The following TCERG1L variants were observed in gnomAD, a reference collection of about 807,000 sequenced individuals.
The protein encoded by TCERG1L is transcription elongation regulator 1 like.
TCERG1L carries 37 observed loss-of-function variants against 56.3 expected under a neutral mutation model. That is an observed-to-expected ratio of 0.66 (90% CI 0.51 to 0.87). The LOEUF (loss-of-function observed/expected upper bound fraction) is 0.87, where lower values mean the gene tolerates loss of function less well. TCERG1L is among the 40% of genes least tolerant of loss of function. The pLI is 0.00. For synonymous variants in TCERG1L, 324 were observed against 326.3 expected, an observed-to-expected ratio of 0.99 and a Z score of 0.08; for missense variants, 799 against 774.2, an observed-to-expected ratio of 1.03 and a Z score of -0.38.
intron 4 of TCERG1L, among the ~76,000 whole-genome samples, chr10:131,195,249 C>T (rs1679685289): frequency 1.3e-5 from 2 of 152,212 alleles, no homozygotes; most frequent in Admixed American, 1.3e-4. Context: ...CTGATCACAG[C>T]TTTTATCTGC....
chr10:131,116,486 T>A (rs992495205), intron 9 of TCERG1L, among the ~76,000 whole-genome samples: 1 of 152,094 alleles, frequency 6.6e-6, no homozygotes, highest in Admixed American at 6.5e-5. Context: ...CAAAGGCACC[T>A]TTCTCCTTTC....
intron 4 of TCERG1L, among the ~76,000 whole-genome samples, chr10:131,208,062 G>A (rs1434154233): frequency 1.3e-5 from 2 of 152,112 alleles, no homozygotes; most frequent in African/African-American, 4.8e-5. Context: ...AGAGAGGCCA[G>A]CCCTGCCTAG....
chr10:131,281,246 T>C (rs764213898), intron 3 of TCERG1L, among the ~76,000 whole-genome samples: 4 of 152,170 alleles, frequency 2.6e-5, no homozygotes, highest in African/African-American at 7.2e-5. Flanking sequence ...ATTGCCTGCA[T>C]GTCTATCACG....
At chr10:131,263,116 A>G (rs1322151123) in intron 3 of TCERG1L, among the ~76,000 whole-genome samples, 1 of 152,062 alleles carries the variant, frequency 6.6e-6, no homozygotes, top group East Asian at 1.9e-4. Flanking sequence ...AAACTGCCAG[A>G]CTGTCTTCCA....
chr10:131,120,307 G>T (rs1342231018), intron 8 of TCERG1L, among the ~76,000 whole-genome samples: 2 of 152,154 alleles, frequency 1.3e-5, no homozygotes, highest in Non-Finnish European at 2.9e-5. Context: ...CAGTGGAGCT[G>T]AGTTCTGGGC....
At chr10:131,177,204 A>T (rs1428147554) in intron 4 of TCERG1L, among the ~76,000 whole-genome samples, 3 of 43,634 alleles carry the variant, frequency 6.9e-5, no homozygotes, top group Non-Finnish European at 1.6e-4. Flanking sequence ...AGACACATGC[A>T]GACACAAGCA....
At chr10:131,266,454 A>G (rs1846287345) in intron 3 of TCERG1L, among the ~76,000 whole-genome samples, 1 of 152,228 alleles carries the variant, frequency 6.6e-6, no homozygotes, top group Admixed American at 6.5e-5. Context: ...TGCGTTGTCA[A>G]TGAGTAAAAA....
At chr10:131,134,596 T>C (rs1049930054) in intron 7 of TCERG1L, 148 bp from the exon 8 acceptor site, 1 of 654,232 alleles carries the variant, frequency 1.5e-6, no homozygotes, top group African/African-American at 1.8e-5. Context: ...CCTACGAGTT[T>C]CCTCTTGGCA....
intron 3 of TCERG1L, among the ~76,000 whole-genome samples, chr10:131,291,458 G>T (rs1239088875): frequency 2.9e-4 from 24 of 83,944 alleles, no homozygotes; most frequent in Non-Finnish European, 4.0e-4. Context: ...ACGGAGTCTC[G>T]CTGTGTCTCC....
intron 4 of TCERG1L, among the ~76,000 whole-genome samples, chr10:131,172,773 G>A (rs901321658): frequency 6.6e-6 from 1 of 151,926 alleles, no homozygotes; most frequent in Admixed American, 6.6e-5. Context: ...CTGGAGCCCT[G>A]TTTCTGTGTT....
chr10:131,222,391 A>T (rs1051859240), intron 4 of TCERG1L, among the ~76,000 whole-genome samples: 2 of 152,172 alleles, frequency 1.3e-5, no homozygotes, highest in African/African-American at 4.8e-5. Flanking sequence ...GCCATGAGTT[A>T]AAAAATGTGT....
At position 131,265,541 on chromosome 10, in the gene TCERG1L, G is replaced by C. The variant is rs182873109; in HGVS notation, c.671-5097C>G. On this transcript the variant is annotated intron_variant, in intron 3 of 11. Transcript: ENST00000368642. ...CAGTCATGATAACCATCGGAATTGAGTACCAGCAAACCTCAGAGATAACGT... is the reference window on the plus strand; with the variant it reads ...CAGTCATGATAACCATCGGAATTGACTACCAGCAAACCTCAGAGATAACGT... Among the ~76,000 whole-genome samples the C allele has an allele frequency of 2.0e-3, 300 of 152,316 alleles. 1 individual carries two copies. The highest frequency in any genetic ancestry group is 6.8e-3 in the African/African-American group (284 of 41,564).
At position 131,254,481 on chromosome 10, in the gene TCERG1L, C is replaced by T. The variant is rs533344764; in HGVS notation, c.856+5778G>A. Among the ~76,000 whole-genome samples the T allele has an allele frequency of 9.2e-5, 14 of 152,234 alleles. No individual in the cohort carries two copies. The East Asian group carries it at 1.9e-3, about 21-fold the overall frequency. On this transcript the variant is annotated intron_variant, in intron 4 of 11. Transcript: ENST00000368642. ...CTACAGGTGGTGCCCCTGCGCCTGG[C>T]TCCTTGGGGGCTGTAAGCAAGGGCA...
At chr10:131,144,872 C>T (rs1845778922) in intron 7 of TCERG1L, among the ~76,000 whole-genome samples, 2 of 152,190 alleles carry the variant, frequency 1.3e-5, no homozygotes, top group Admixed American at 6.5e-5. Flanking sequence ...GAAATCCAGG[C>T]CCCTGTCGTC....
intron 6 of TCERG1L, among the ~76,000 whole-genome samples, chr10:131,157,473 G>A (rs1240480960): frequency 2.6e-5 from 4 of 151,540 alleles, no homozygotes; most frequent in Admixed American, 6.6e-5. Context: ...ACACTTTGTC[G>A]AGCAATTACT....
chr10:131,208,341 G>GA (rs1485950133), intron 4 of TCERG1L, among the ~76,000 whole-genome samples: 1 of 152,200 alleles, frequency 6.6e-6, no homozygotes, highest in Non-Finnish European at 1.5e-5. Context: ...AAGCCTCAGA[G>GA]GGGGCCTGTG....
Position 131,228,758 on chromosome 10 carries a change from A to G in TCERG1L, c.856+31501T>C, listed in dbSNP as rs537432200. Among the ~76,000 whole-genome samples, 63 of 82,966 alleles carry G rather than the reference A, an allele frequency of 7.6e-4. 1 individual carries two copies. The highest frequency in any genetic ancestry group is 3.5e-3 in the African/African-American group (59 of 16,644). The allele number at this position is 82,966 out of a possible 152,430, so 54.4% of individuals were successfully genotyped here. A position where few individuals can be genotyped will look rare whatever the true frequency, so the allele number is the denominator to read the frequency against. ...GGCCTCCGGAGTCTTCCCTCCAGAC[A>G]GGCATTTCCTCAAGGTCTCCGGAGT... On this transcript the variant is annotated intron_variant, in intron 4 of 11. Coordinates refer to ENST00000368642, the MANE Select transcript of TCERG1L (RefSeq NM_174937.4).
chr10:131,173,270 G>A (rs1846111498), intron 4 of TCERG1L, among the ~76,000 whole-genome samples: 1 of 152,104 alleles, frequency 6.6e-6, no homozygotes, highest in Admixed American at 6.6e-5. Flanking sequence ...AGATAAAGTA[G>A]GCACACTGAT....
At chr10:131,215,775 C>T (rs542527385) in intron 4 of TCERG1L, among the ~76,000 whole-genome samples, 2 of 152,306 alleles carry the variant, frequency 1.3e-5, no homozygotes, top group South Asian at 4.2e-4. Flanking sequence ...ACCCTGACGC[C>T]TAAGTCCCCT....
Sources: gnomAD v4.1 joint callset for allele counts (sites outside exome capture counted in the v4.1 genomes callset) on GRCh38, gnomAD v4.1.1 for gene constraint, MANE v1.5 for transcripts, NCBI Gene and HGNC (gene_info 2026-07-23, HGNC 2026-07-21) for gene names.